The following HDAC9 variants were observed in gnomAD, a reference collection of about 807,000 sequenced individuals.
HDAC9 encodes MEF-2 interacting transcription repressor (MITR) protein.
Under a neutral mutation model 139.4 loss-of-function variants are expected in HDAC9, and 41 were observed. That is an observed-to-expected ratio of 0.29 (90% confidence interval 0.23 to 0.38). The LOEUF is 0.38. Among genes scored for constraint, HDAC9 ranks in the 10% least tolerant of loss-of-function variants. The pLI, the probability that HDAC9 is intolerant of heterozygous loss-of-function variation, is 1.00. For synonymous variants in HDAC9, 517 were observed against 476.2 expected (o/e 1.09, Z -1.12); for missense variants, 1,147 against 1,297.0 (o/e 0.88, Z 1.78).
chr7:18,483,108 GA>G (rs1312098818), intron 1 of HDAC9, among the ~76,000 whole-genome samples: 88 of 152,264 alleles, frequency 5.8e-4, no homozygotes, highest in African/African-American at 2.0e-3. Flanking sequence ...ATACTACAAA[GA>G]AAGAAGAGAG....
At chr7:18,941,624 C>T (rs1782035356) in intron 23 of HDAC9, among the ~76,000 whole-genome samples, 1 of 151,994 alleles carries the variant, frequency 6.6e-6, no homozygotes, top group Non-Finnish European at 1.5e-5. Flanking sequence ...TAAATAGTTG[C>T]CATTCATGAG....
intron 2 of HDAC9, among the ~76,000 whole-genome samples, chr7:18,195,357 A>G (rs1054468201): frequency 6.6e-6 from 1 of 152,214 alleles, no homozygotes; most frequent in Non-Finnish European, 1.5e-5. Context: ...CATATTACCT[A>G]TCACCTTTAA....
intron 2 of HDAC9, among the ~76,000 whole-genome samples, chr7:18,529,263 C>A (rs920118017): frequency 6.6e-6 from 1 of 152,154 alleles, no homozygotes; most frequent in Non-Finnish European, 1.5e-5. Flanking sequence ...TCTCCTTCCC[C>A]CTTCTTTTCC....
intron 14 of HDAC9, 21 bp from the exon 15 acceptor site, chr7:18,762,136 G>T (rs767559113): frequency 6.2e-7 from 1 of 1,613,020 alleles, no homozygotes. Context: ...TGTACTGTTG[G>T]CTTCTGCTAT....
At chr7:18,861,488 G>A (rs1798104585) in intron 21 of HDAC9, among the ~76,000 whole-genome samples, 1 of 152,056 alleles carries the variant, frequency 6.6e-6, no homozygotes, top group Non-Finnish European at 1.5e-5. Flanking sequence ...TTTTGCCTAG[G>A]GAGGTGGCAT....
chr7:18,887,445 T>C (rs1382419635), intron 22 of HDAC9, among the ~76,000 whole-genome samples: 1 of 152,228 alleles, frequency 6.6e-6, no homozygotes, highest in Non-Finnish European at 1.5e-5. Flanking sequence ...CTAACTTCTT[T>C]TTTTGTGTCT....
intron 2 of HDAC9, among the ~76,000 whole-genome samples, chr7:18,219,166 A>G (rs1792514279): frequency 6.6e-6 from 1 of 152,132 alleles, no homozygotes; most frequent in South Asian, 2.1e-4. Flanking sequence ...AATTATTTTA[A>G]GAGTCTTATT....
Position 18,699,377 on chromosome 7 carries a change from C to T in HDAC9, c.1732-28203C>T, listed in dbSNP as rs76362667. Among the ~76,000 whole-genome samples the T allele has an allele frequency of 3.5e-3, 527 of 151,236 alleles. 2 individuals are homozygous for T. The highest frequency in any genetic ancestry group is 0.012 in the African/African-American group (505 of 41,232). ...CTGTAGGTGTGTCTGTGTGTGTGTG[C>T]GTGTACGTGTGTTTGTGTGTGTGTG... On this transcript the variant is annotated intron_variant, in intron 12 of 25. Coordinates refer to ENST00000686413, the MANE Select transcript of HDAC9 (RefSeq NM_178425.4).
intron 2 of HDAC9, chr7:18,543,513 C>G (rs191437348): frequency 1.6e-4 from 25 of 152,296 alleles, no homozygotes; most frequent in African/African-American, 5.8e-4. Context: ...ATCCTATCAC[C>G]CTGTTCAGAT....
At chr7:18,724,965 A>C (rs1331335318) in intron 12 of HDAC9, among the ~76,000 whole-genome samples, 1 of 152,166 alleles carries the variant, frequency 6.6e-6, no homozygotes. Flanking sequence ...TGTGTTCAAA[A>C]AACACTGTGA....
intron 1 of HDAC9, among the ~76,000 whole-genome samples, chr7:18,466,720 A>G (rs1794307207): frequency 6.6e-6 from 1 of 152,170 alleles, no homozygotes; most frequent in Admixed American, 6.5e-5. Flanking sequence ...CTGCAATCTT[A>G]ATTCCCTTTT....
chr7:18,890,192 CT>C (rs1800553937), intron 22 of HDAC9, among the ~76,000 whole-genome samples: 2 of 152,178 alleles, frequency 1.3e-5, no homozygotes, highest in Non-Finnish European at 2.9e-5. Flanking sequence ...ATTAGATAGT[CT>C]TATCATGTCC....
chr7:18,719,911 C>CTGAA (rs1785015959), intron 12 of HDAC9, among the ~76,000 whole-genome samples: 1 of 152,126 alleles, frequency 6.6e-6, no homozygotes, highest in South Asian at 2.1e-4. Context: ...TTTTGCCCTG[C>CTGAA]TGAATTGTCT....
At chr7:18,934,898 C>A (rs762599686) in intron 22 of HDAC9, among the ~76,000 whole-genome samples, 4 of 152,028 alleles carry the variant, frequency 2.6e-5, no homozygotes, top group Non-Finnish European at 4.4e-5. Flanking sequence ...TTGGTGATAA[C>A]AAGAAAACCA....
chr7:18,987,327 T>G (rs879846546), intron 25 of HDAC9, among the ~76,000 whole-genome samples: 3 of 152,260 alleles, frequency 2.0e-5, no homozygotes, highest in Non-Finnish European at 4.4e-5. Context: ...GAGATTATCA[T>G]GTGGCTTTTG....
intron 23 of HDAC9, among the ~76,000 whole-genome samples, chr7:18,950,868 TCAA>T (rs1782744234): frequency 6.6e-6 from 1 of 151,988 alleles, no homozygotes; most frequent in Admixed American, 6.6e-5. Flanking sequence ...TTGGGAAACG[TCAA>T]CACATAACAA....
chr7:18,169,923 T>C (rs376159073), intron 2 of HDAC9, among the ~76,000 whole-genome samples: 1 of 152,206 alleles, frequency 6.6e-6, no homozygotes, highest in East Asian at 1.9e-4. Flanking sequence ...TAAACATACA[T>C]GTGCATGTGT....
intron 16 of HDAC9, among the ~76,000 whole-genome samples, chr7:18,791,355 T>C (rs1212585882): frequency 1.3e-5 from 2 of 152,196 alleles, no homozygotes; most frequent in African/African-American, 4.8e-5. Context: ...TGCAGGCTTT[T>C]CTTTGGTACT....
chr7:18,369,351 T>A (rs930870227), intron 1 of HDAC9, among the ~76,000 whole-genome samples: 2 of 152,096 alleles, frequency 1.3e-5, no homozygotes, highest in Non-Finnish European at 1.5e-5. Context: ...TTATTTTCTA[T>A]AGTGGTATTT....
Sources: allele counts gnomAD v4.1 joint callset (sites outside exome capture counted in the v4.1 genomes callset), GRCh38; gene constraint gnomAD v4.1.1; transcripts MANE v1.5; gene names NCBI Gene and HGNC (gene_info 2026-07-23, HGNC 2026-07-21).